Variants in RIPK4 observed in about 807,000 individuals in gnomAD.
The protein encoded by RIPK4 is receptor interacting serine/threonine kinase 4.
In RIPK4, 17 loss-of-function variants were observed where a neutral mutation model predicts 42.9. That is an observed-to-expected ratio of 0.40 (90% CI 0.27 to 0.59). The LOEUF is 0.59. Among genes scored for constraint, RIPK4 ranks in the 20% least tolerant of loss-of-function variants. The pLI is 0.47. For synonymous variants in RIPK4, 498 were observed against 499.1 expected, an observed-to-expected ratio of 1.00 and a Z score of 0.03; for missense variants, 897 against 1,104.4, an observed-to-expected ratio of 0.81 and a Z score of 2.66.
At chr21:41,749,905 A>T (rs553845132) in intron 3 of RIPK4, among the ~76,000 whole-genome samples, 5 of 151,518 alleles carry the variant, frequency 3.3e-5, no homozygotes, top group Non-Finnish European at 7.4e-5. Flanking sequence ...AAAAAAAAAA[A>T]AAAAGAAAAG....
In RIPK4 at chr21:41,762,952, G is replaced by A. The variant is rs1279274814; in HGVS notation, c.182+3908C>T. Among the ~76,000 whole-genome samples the A allele has an allele frequency of 4.2e-5, 6 of 143,150 alleles. No individual in the cohort carries two copies. The East Asian group carries it at 1.2e-3, about 28-fold the overall frequency. 93.9% of individuals were successfully genotyped at this position (143,150 alleles called of 152,430 possible). On this transcript the variant is annotated intron_variant, in intron 1 of 7. Coordinates refer to ENST00000332512, the MANE Select transcript of RIPK4 (RefSeq NM_020639.3). ...GGGTTGACCAGAAGCCCCTCTCGTCGGTGTTAATTAAAACACAACCTAAAA... is the reference window on the plus strand; with the variant it reads ...GGGTTGACCAGAAGCCCCTCTCGTCAGTGTTAATTAAAACACAACCTAAAA...
At position 41,742,829 on chromosome 21, in the gene RIPK4, G is replaced by A. The variant is rs1012558513; in HGVS notation, c.1196-832C>T. Reference sequence around the variant, plus strand: ...GTCATTTCAGAGTATTAGACCCAAAGAGAATGTTCTAGAACGTACTTATCC... The same window carrying A: ...GTCATTTCAGAGTATTAGACCCAAAAAGAATGTTCTAGAACGTACTTATCC... On this transcript the variant is annotated intron_variant, in intron 7 of 7. Transcript: ENST00000332512. The surrounding 1 kb of genome is among the most constrained non-coding windows in gnomAD (Gnocchi z 5.1). Among the ~76,000 whole-genome samples the A allele has an allele frequency of 6.6e-6, 1 of 152,114 alleles. No homozygotes were observed. Among genetic ancestry groups the A allele is most frequent in the African/African-American group, 2.4e-5 (1 of 41,416 alleles).
At position 41,740,702 on chromosome 21, in the gene RIPK4, G is replaced by T; in HGVS notation, c.*136C>A. On this transcript the variant is annotated 3_prime_UTR_variant, in exon 8 of 8. Coordinates refer to ENST00000332512, the MANE Select transcript of RIPK4 (RefSeq NM_020639.3). ...CGGTCAGCAGCAGCCGCCTCCTGAT[G>T]GCACCATGTCACCTCTGCTTGGTTA... The T allele has an allele frequency of 1.1e-6, 1 of 883,982 alleles. No homozygotes were observed. 54.8% of individuals were successfully genotyped at this position (883,982 alleles called of 1,614,324 possible).
chr21:41,741,918 G>A lies in RIPK4; in HGVS notation c.1275C>T (p.Ile425=), dbSNP rs55953627. 50 of 1,613,290 alleles carry A rather than the reference G, an allele frequency of 3.1e-5. No individual in the cohort carries two copies. The highest frequency in any genetic ancestry group is 2.7e-4 in the East Asian group (12 of 44,876). ...CCAGGTCCACGTCCTGCGGCTGCAGGATCTTCATCAGTTTGCTGGTGTCCC... is the reference window on the plus strand; with the variant it reads ...CCAGGTCCACGTCCTGCGGCTGCAGAATCTTCATCAGTTTGCTGGTGTCCC... ...VSGDTSKLMK[I]LQPQDVDLAL... The change falls in exon 8 of 8, where the codon ATC becomes ATT. Residue 425 remains isoleucine, a synonymous_variant. Coordinates refer to ENST00000332512, the MANE Select transcript of RIPK4 (RefSeq NM_020639.3).
In RIPK4 at chr21:41,749,132, C is replaced by T. The variant is rs1386909529; in HGVS notation, c.673+22G>A. Reference sequence around the variant, plus strand: ...TTCCAGGAAAGACAAGCACATTACACCTCAAAGACAGGTCCACTCACCTGC... The same window carrying T: ...TTCCAGGAAAGACAAGCACATTACATCTCAAAGACAGGTCCACTCACCTGC... On this transcript the variant is annotated intron_variant, in intron 4 of 7. Transcript: ENST00000332512. 3 of 1,613,080 alleles carry T rather than the reference C, an allele frequency of 1.9e-6. No homozygotes were observed. The Admixed American group carries it at 5.0e-5, about 27-fold the overall frequency.
intron 3 of RIPK4, among the ~76,000 whole-genome samples, chr21:41,749,889 T>TAAAAAAAAAAAA (rs776305508): frequency 1.0e-5 from 1 of 99,390 alleles, no homozygotes; most frequent in Non-Finnish European, 2.1e-5. Context: ...CCAAATTGAT[T>TAAAAAAAAAAAA]AAAAAAAAAA....
At position 41,762,339 on chromosome 21, in the gene RIPK4, G is replaced by A. The variant is rs563682468; in HGVS notation, c.182+4521C>T. On this transcript the variant is annotated intron_variant, in intron 1 of 7. Transcript: ENST00000332512. ...GGAGTGGGGGTGGGGCGGCTCCCTTGCCTACCAGCCTGGATTTCGCTCAGA... is the reference window on the plus strand; with the variant it reads ...GGAGTGGGGGTGGGGCGGCTCCCTTACCTACCAGCCTGGATTTCGCTCAGA... Among the ~76,000 whole-genome samples, 425 of 152,308 alleles carry A rather than the reference G, an allele frequency of 2.8e-3. 4 individuals carry two copies. Among genetic ancestry groups the A allele is most frequent in the African/African-American group, 9.8e-3 (408 of 41,572 alleles).
chr21:41,743,939 C>T lies in RIPK4; in HGVS notation c.1138G>A (p.Ala380Thr), dbSNP rs750433998. 6.2e-7 allele frequency: 1 copy of T among 1,612,902 alleles called. No homozygotes were observed. Among genetic ancestry groups the T allele is most frequent in the Non-Finnish European group, 8.5e-7 (1 of 1,179,802 alleles). The change falls in exon 7 of 8, where the codon GCC becomes ACC. Residue 380 changes from alanine to threonine, a missense_variant. By Grantham distance (58) the Ala-to-Thr change is moderately conservative. Transcript: ENST00000332512. ...GACAGTGATCCTCTGGAAGAGAAGGCGGAGTCCACCGAGGACACCCCCGAG... is the reference window on the plus strand; with the variant it reads ...GACAGTGATCCTCTGGAAGAGAAGGTGGAGTCCACCGAGGACACCCCCGAG... The part of the protein sequence containing the change: ...RLSGVSSVDS[A>T]FSSRGSLSLS...
chr21:41,744,078 G>C lies in RIPK4; in HGVS notation c.999C>G (p.Ser333=), dbSNP rs770773216. 1.2e-6 allele frequency: 2 copies of C among 1,611,766 alleles called. No individual in the cohort carries two copies. Among genetic ancestry groups the C allele is most frequent in the Admixed American group, 1.7e-5 (1 of 59,900 alleles). ...APTFDNDYSL[S]ELLSQLDSGV... ...CAGAGTCCAGCTGTGAGAGCAGCTC[G>C]GAGAGGCTGTAGTCGTTATCGAAGG... is the stretch of plus-strand genomic sequence containing the variant. The change falls in exon 7 of 8, where the codon TCC becomes TCG. Residue 333 remains serine, a synonymous_variant. Transcript: ENST00000332512.
At chr21:41,754,532 T>A (rs1051743043) in intron 2 of RIPK4, among the ~76,000 whole-genome samples, 1 of 152,118 alleles carries the variant, frequency 6.6e-6, no homozygotes, top group Non-Finnish European at 1.5e-5. Flanking sequence ...GAGAAAGCAG[T>A]TCCAGGCAGC....
At chr21:41,746,104 C>T (rs1179126495) in intron 5 of RIPK4, 1 of 696,226 alleles carries the variant, frequency 1.4e-6, no homozygotes, top group Non-Finnish European at 2.6e-6. Flanking sequence ...CGGGGGAGCG[C>T]CACCTGCCAG....
Position 41,767,036 on chromosome 21 carries a change from C to G in RIPK4, c.6G>C (p.Glu2Asp). M[E>D]GDGGTPWALA... is the part of the protein sequence containing the mutation. Reference sequence around the variant, plus strand: ...GGGCCCATGGGGTCCCGCCGTCGCCCTCCATCGCGCACGTCTAGCCAGCGC... The same window carrying G: ...GGGCCCATGGGGTCCCGCCGTCGCCGTCCATCGCGCACGTCTAGCCAGCGC... Residue 2 changes from glutamate to aspartate, a missense_variant, in exon 1 of 8, where the codon GAG becomes GAC. Coordinates refer to ENST00000332512, the MANE Select transcript of RIPK4 (RefSeq NM_020639.3). The surrounding 1 kb of genome is among the most constrained non-coding windows in gnomAD (Gnocchi z 4.0). The G allele has an allele frequency of 6.4e-7, 1 of 1,571,860 alleles. No homozygotes were observed. The highest frequency in any genetic ancestry group is 8.6e-7 in the Non-Finnish European group (1 of 1,162,950).
chr21:41,741,954 G>A lies in RIPK4; in HGVS notation c.1239C>T (p.Ala413=). 3 of 1,607,924 alleles carry A rather than the reference G, an allele frequency of 1.9e-6. No homozygotes were observed. The highest frequency in any genetic ancestry group is 2.6e-6 in the Non-Finnish European group (3 of 1,176,050). The part of the protein sequence containing the change: ...TDVQKKKLVD[A]IVSGDTSKLM... ...GTTTGCTGGTGTCCCCGGACACGAT[G>A]GCATCCACAAGCTTCTTCTTCTGGA... Residue 413 remains alanine (A), a synonymous_variant, in exon 8 of 8, where the codon GCC becomes GCT. Coordinates refer to ENST00000332512, the MANE Select transcript of RIPK4 (RefSeq NM_020639.3).
chr21:41,760,876 C>T (rs1203227456), intron 1 of RIPK4, among the ~76,000 whole-genome samples: 1 of 152,174 alleles, frequency 6.6e-6, no homozygotes. Flanking sequence ...TATTATGAGA[C>T]AAAACTTAGG....
At chr21:41,746,857 G>A (rs780110086) in intron 4 of RIPK4, 86 bp from the exon 5 acceptor site, 2 of 1,441,804 alleles carry the variant, frequency 1.4e-6, no homozygotes, top group Non-Finnish European at 1.9e-6. Context: ...CACTCGCCGG[G>A]GGCCACAATG....
intron 1 of RIPK4, among the ~76,000 whole-genome samples, chr21:41,762,459 A>G (rs2061223546): frequency 1.3e-5 from 2 of 152,168 alleles, no homozygotes; most frequent in Non-Finnish European, 2.9e-5. Context: ...GCCCCTCTCC[A>G]GGTGCTCCCT....
intron 5 of RIPK4, chr21:41,746,261 C>T (rs2061170833): frequency 1.7e-6 from 1 of 583,460 alleles, no homozygotes; most frequent in Admixed American, 2.5e-5. Context: ...GTCAACTCCT[C>T]AAGAGAAGGG....
chr21:41,757,291 C>T (rs1156854268), intron 1 of RIPK4, among the ~76,000 whole-genome samples: 7 of 152,034 alleles, frequency 4.6e-5, no homozygotes, highest in African/African-American at 1.4e-4. Flanking sequence ...CAGGCCAAGG[C>T]GGATGGATCA....
At chr21:41,743,671 T>C (rs546092549) in intron 7 of RIPK4, among the ~76,000 whole-genome samples, 1 of 152,330 alleles carries the variant, frequency 6.6e-6, no homozygotes, top group South Asian at 2.1e-4. Context: ...AGACTGGTGA[T>C]GTGGCCTGTT....
Sources: gnomAD v4.1 joint callset for allele counts (sites outside exome capture counted in the v4.1 genomes callset) on GRCh38, gnomAD v4.1.1 for gene constraint, Gnocchi (gnomAD v3.1) non-coding constraint, MANE v1.5 for transcripts, NCBI Gene and HGNC (gene_info 2026-07-23, HGNC 2026-07-21) for gene names.